The following CEP112 variants were observed in gnomAD, a reference collection of about 807,000 sequenced individuals.
The protein encoded by CEP112 is centrosomal protein of 112 kDa.
CEP112 carries 127 observed loss-of-function variants against 153.0 expected under a neutral mutation model. The observed-to-expected ratio is 0.83, with a 90% CI of 0.72 to 0.96. CEP112 has a LOEUF of 0.96. Ranked by LOEUF, CEP112 falls within the 40% of genes least tolerant of loss-of-function variation. The pLI is 0.00. For missense variants in CEP112, 1,089 were observed against 1,101.2 expected (o/e 0.99, Z 0.16); for synonymous variants, 358 against 374.4 (o/e 0.96, Z 0.51).
chr17:66,107,103 G>A (rs938185619), intron 6 of CEP112, among the ~76,000 whole-genome samples: 1 of 152,052 alleles, frequency 6.6e-6, no homozygotes, highest in South Asian at 2.1e-4. Context: ...GTCCCTTCAT[G>A]ATAAAAACCT....
chr17:65,938,414 T>TAAAAAAA (rs1555722412), intron 18 of CEP112, among the ~76,000 whole-genome samples: 5 of 52,734 alleles, frequency 9.5e-5, no homozygotes, highest in African/African-American at 2.2e-4. Flanking sequence ...GAATGATCAA[T>TAAAAAAA]AAAAAAAAAA....
chr17:66,154,629 C>T (rs985498127), intron 4 of CEP112, among the ~76,000 whole-genome samples: 2 of 152,050 alleles, frequency 1.3e-5, no homozygotes, highest in Non-Finnish European at 2.9e-5. Context: ...AAATCAATTC[C>T]AGATGTACCA....
chr17:66,173,641 C>T (rs2072338384), intron 4 of CEP112, among the ~76,000 whole-genome samples: 1 of 152,114 alleles, frequency 6.6e-6, no homozygotes, highest in Non-Finnish European at 1.5e-5. Context: ...AACTAAGAAT[C>T]GTATTTTTCT....
At chr17:65,937,472 T>A (rs1391642798) in intron 18 of CEP112, among the ~76,000 whole-genome samples, 3 of 108,390 alleles carry the variant, frequency 2.8e-5, no homozygotes, top group African/African-American at 6.3e-5. Flanking sequence ...GGCCGCCCCG[T>A]CTGAGAAGTG....
At chr17:66,044,729 G>C (rs2066129481) in intron 12 of CEP112, among the ~76,000 whole-genome samples, 1 of 152,184 alleles carries the variant, frequency 6.6e-6, no homozygotes, top group Non-Finnish European at 1.5e-5. Context: ...ATTGTTTACT[G>C]GGTACAAAGT....
intron 24 of CEP112, among the ~76,000 whole-genome samples, chr17:65,677,985 T>A (rs2047318245): frequency 1.3e-5 from 2 of 152,188 alleles, no homozygotes; most frequent in Admixed American, 1.3e-4. Flanking sequence ...CAATTGCTTC[T>A]ACCTCAAAAT....
intron 6 of CEP112, among the ~76,000 whole-genome samples, chr17:66,103,910 T>G (rs905884923): frequency 6.6e-6 from 1 of 152,154 alleles, no homozygotes; most frequent in Non-Finnish European, 1.5e-5. Context: ...AGAATTCAGC[T>G]TGCACCCACA....
At chr17:66,069,274 A>G (rs890824168) in intron 9 of CEP112, among the ~76,000 whole-genome samples, 8 of 152,042 alleles carry the variant, frequency 5.3e-5, no homozygotes, top group Admixed American at 2.6e-4. Context: ...ACACATACAT[A>G]CATTATTATC....
intron 18 of CEP112, among the ~76,000 whole-genome samples, chr17:65,942,195 C>T (rs1444263415): frequency 6.6e-6 from 1 of 151,972 alleles, no homozygotes. Context: ...AAGATTCTCA[C>T]AGGAGCGTGA....
At chr17:66,120,806 T>C (rs1472216875) in intron 6 of CEP112, among the ~76,000 whole-genome samples, 1 of 152,226 alleles carries the variant, frequency 6.6e-6, no homozygotes, top group Non-Finnish European at 1.5e-5. Context: ...AAAATCCAGC[T>C]TTTGGTTTCA....
At chr17:66,084,576 A>T (rs1054416594) in intron 8 of CEP112, among the ~76,000 whole-genome samples, 4 of 152,190 alleles carry the variant, frequency 2.6e-5, no homozygotes, top group Non-Finnish European at 1.5e-5. Context: ...GACAAACTTC[A>T]TATGTTCTCA....
At chr17:66,046,578 T>G (rs962103067) in intron 12 of CEP112, among the ~76,000 whole-genome samples, 1 of 152,204 alleles carries the variant, frequency 6.6e-6, no homozygotes, top group Non-Finnish European at 1.5e-5. Context: ...TTAAATCACA[T>G]TTTTTACCTA....
chr17:65,663,500 G>A (rs2046508814), intron 24 of CEP112, among the ~76,000 whole-genome samples: 1 of 152,180 alleles, frequency 6.6e-6, no homozygotes, highest in Admixed American at 6.5e-5. Context: ...GCCAGTAGAA[G>A]GTAGGAGCTC....
At chr17:66,035,008 A>ATATATATATT (rs1454121288) in intron 12 of CEP112, among the ~76,000 whole-genome samples, 29 of 72,328 alleles carry the variant, frequency 4.0e-4, no homozygotes, top group African/African-American at 1.3e-3. Flanking sequence ...ATATATATAT[A>ATATATATATT]TTTTTTTTTT....
At chr17:66,057,564 T>C (rs1255557776) in intron 11 of CEP112, among the ~76,000 whole-genome samples, 2 of 152,160 alleles carry the variant, frequency 1.3e-5, no homozygotes, top group Admixed American at 6.5e-5. Context: ...GTGAGAGACA[T>C]AGGATGCATA....
At chr17:65,694,853 C>A (rs987738718) in intron 23 of CEP112, among the ~76,000 whole-genome samples, 4 of 152,170 alleles carry the variant, frequency 2.6e-5, no homozygotes, top group Non-Finnish European at 4.4e-5. Context: ...CACAAAATCA[C>A]AACTTTTAGT....
chr17:66,028,325 C>T lies in CEP112; in HGVS notation c.1584G>A (p.Lys528=), dbSNP rs1335501058. ...QQLQESELQR[K]QQLRDQENKF... ...ATACAAGACTCACCCTTAGTTGTTG[C>T]TTTCTTTGAAGTTCTGATTCCTGTA... Residue 528 remains lysine (K), a synonymous_variant, in exon 15 of 27, where the codon AAG becomes AAA. Coordinates refer to ENST00000535342, the MANE Select transcript of CEP112 (RefSeq NM_001199165.4). 9 of 1,592,130 alleles carry T rather than the reference C, an allele frequency of 5.7e-6. No individual in the cohort carries two copies. Among genetic ancestry groups the T allele is most frequent in the Non-Finnish European group, 7.7e-6 (9 of 1,165,456 alleles).
At chr17:66,050,549 T>A (rs943299813) in intron 12 of CEP112, among the ~76,000 whole-genome samples, 2 of 152,198 alleles carry the variant, frequency 1.3e-5, no homozygotes, top group Admixed American at 6.5e-5. Flanking sequence ...ATATAAAGAT[T>A]TGGTCATTTT....
At chr17:65,895,496 T>C (rs2059627913) in intron 20 of CEP112, among the ~76,000 whole-genome samples, 1 of 152,016 alleles carries the variant, frequency 6.6e-6, no homozygotes. Context: ...ATATGGCAAA[T>C]CGCTGAAAGA....
Sources: gnomAD v4.1 joint callset for allele counts (sites outside exome capture counted in the v4.1 genomes callset) on GRCh38, gnomAD v4.1.1 for gene constraint, MANE v1.5 for transcripts, NCBI Gene and HGNC (gene_info 2026-07-23, HGNC 2026-07-21) for gene names.